Variants in TSHZ2 observed in about 807,000 individuals in gnomAD.
TSHZ2 encodes the protein teashirt homolog 2.
TSHZ2 carries 21 observed loss-of-function variants against 74.4 expected under a neutral mutation model. The observed-to-expected ratio is 0.28, with a 90% CI of 0.20 to 0.41. The LOEUF is 0.41. TSHZ2 is among the 10% of genes least tolerant of loss of function. TSHZ2 has a pLI of 1.00. For synonymous variants in TSHZ2, 540 were observed against 515.3 expected (o/e 1.05, Z -0.65); for missense variants, 1,244 against 1,293.5 (o/e 0.96, Z 0.59).
chr20:53,438,090 G>A (rs1197667979), intron 2 of TSHZ2, among the ~76,000 whole-genome samples: 1 of 150,298 alleles, frequency 6.7e-6, no homozygotes, highest in Admixed American at 6.6e-5. Flanking sequence ...GTACTTGGGT[G>A]TACTTTTCTT....
intron 1 of TSHZ2, among the ~76,000 whole-genome samples, chr20:53,089,341 T>TTAA (rs370108566): frequency 2.3e-5 from 3 of 129,742 alleles, no homozygotes; most frequent in African/African-American, 8.4e-5. Flanking sequence ...TTTTTTTTTT[T>TTAA]ATTAAACAGA....
At chr20:52,994,126 G>A (rs1307052468) in intron 1 of TSHZ2, among the ~76,000 whole-genome samples, 2 of 152,204 alleles carry the variant, frequency 1.3e-5, no homozygotes, top group African/African-American at 4.8e-5. Flanking sequence ...TCATTTAACA[G>A]ATATTTATTA....
At chr20:53,193,170 A>G (rs1435288156) in intron 1 of TSHZ2, among the ~76,000 whole-genome samples, 3 of 100,192 alleles carry the variant, frequency 3.0e-5, no homozygotes, top group Non-Finnish European at 6.2e-5. Flanking sequence ...ATACTTTCAA[A>G]AAAAAAAAAA....
chr20:53,333,005 C>G (rs1233259451), intron 2 of TSHZ2, among the ~76,000 whole-genome samples: 1 of 152,174 alleles, frequency 6.6e-6, no homozygotes, highest in Non-Finnish European at 1.5e-5. Flanking sequence ...TTCTCTCTCC[C>G]AGATCTTCCT....
At chr20:53,096,954 AAAC>A (rs906040493) in intron 1 of TSHZ2, among the ~76,000 whole-genome samples, 11 of 151,992 alleles carry the variant, frequency 7.2e-5, no homozygotes, top group East Asian at 1.9e-4. Context: ...AAACAAAAAA[AAAC>A]AACAAAAAAC....
intron 1 of TSHZ2, among the ~76,000 whole-genome samples, chr20:53,022,835 T>C (rs1482654969): frequency 6.6e-6 from 1 of 152,234 alleles, no homozygotes; most frequent in African/African-American, 2.4e-5. Context: ...AAAGGATTGA[T>C]TGAGATGATA....
intron 1 of TSHZ2, among the ~76,000 whole-genome samples, chr20:53,130,479 C>T (rs1043814250): frequency 1.4e-4 from 21 of 152,052 alleles, no homozygotes; most frequent in African/African-American, 3.9e-4. Context: ...ACAAAAAGTT[C>T]GCCAGGTGTG....
chr20:53,476,327 C>T (rs1021546010), intron 2 of TSHZ2, among the ~76,000 whole-genome samples: 30 of 144,620 alleles, frequency 2.1e-4, no homozygotes, highest in Non-Finnish European at 2.0e-4. Flanking sequence ...AAGTGGGCTT[C>T]ATCCCTGGGA....
At chr20:53,303,256 T>G (rs1302289653) in intron 2 of TSHZ2, among the ~76,000 whole-genome samples, 1 of 152,200 alleles carries the variant, frequency 6.6e-6, no homozygotes, top group African/African-American at 2.4e-5. Flanking sequence ...TGCGCCCTCT[T>G]TGCATTTTAA....
chr20:53,411,627 G>A (rs1299862571), intron 2 of TSHZ2, among the ~76,000 whole-genome samples: 1 of 152,132 alleles, frequency 6.6e-6, no homozygotes, highest in African/African-American at 2.4e-5. Flanking sequence ...CCAGGAGTTT[G>A]AGACCAACCT....
At chr20:53,014,811 C>G (rs1425575002) in intron 1 of TSHZ2, among the ~76,000 whole-genome samples, 1 of 152,164 alleles carries the variant, frequency 6.6e-6, no homozygotes, top group African/African-American at 2.4e-5. Flanking sequence ...CCAAATCCTG[C>G]TCCCCTCCAC....
At chr20:53,271,161 A>C (rs1043639133) in intron 2 of TSHZ2, among the ~76,000 whole-genome samples, 3 of 152,228 alleles carry the variant, frequency 2.0e-5, no homozygotes, top group Admixed American at 2.0e-4. Context: ...GATGCCTAGA[A>C]ATCCTGGGAA....
intron 2 of TSHZ2, among the ~76,000 whole-genome samples, chr20:53,429,076 G>A (rs1379713572): frequency 1.3e-5 from 2 of 152,144 alleles, no homozygotes; most frequent in East Asian, 1.9e-4. Flanking sequence ...GATAGGTTTT[G>A]TTTCTGAAGA....
Position 53,277,142 on chromosome 20 carries a change from A to G in TSHZ2, c.*8+20571A>G, listed in dbSNP as rs567882537. On this transcript the variant is annotated intron_variant, in intron 2 of 2. Transcript: ENST00000371497. ...AGTTGCTTGTACTGTATTAAGAGGA[A>G]TTTCTCACCTGATGCACATGACCGG... Among the ~76,000 whole-genome samples, 9 of 152,274 alleles carry G rather than the reference A, an allele frequency of 5.9e-5. No homozygotes were observed. The South Asian group carries it at 1.7e-3, about 28-fold the overall frequency.
chr20:53,145,824 G>A (rs550126507), intron 1 of TSHZ2, among the ~76,000 whole-genome samples: 5 of 152,290 alleles, frequency 3.3e-5, no homozygotes, highest in East Asian at 3.9e-4. Flanking sequence ...TAGGAAATAC[G>A]CACAAGGCAC....
intron 1 of TSHZ2, among the ~76,000 whole-genome samples, chr20:53,060,463 C>A (rs1444189714): frequency 6.6e-6 from 1 of 152,186 alleles, no homozygotes; most frequent in Non-Finnish European, 1.5e-5. Flanking sequence ...GTTGAGTCTT[C>A]CCAATTTCCC....
intron 2 of TSHZ2, among the ~76,000 whole-genome samples, chr20:53,473,016 A>G (rs1383504959): frequency 6.6e-6 from 1 of 151,502 alleles, no homozygotes; most frequent in East Asian, 1.9e-4. Flanking sequence ...ACGCCCACGG[A>G]GTCTCGCTGA....
chr20:53,376,843 C>A (rs1383537397), intron 2 of TSHZ2, among the ~76,000 whole-genome samples: 1 of 152,204 alleles, frequency 6.6e-6, no homozygotes, highest in Non-Finnish European at 1.5e-5. Flanking sequence ...CTCTCAGAGG[C>A]CCACAGAAGT....
chr20:53,417,603 C>T (rs754744424), intron 2 of TSHZ2, among the ~76,000 whole-genome samples: 1 of 152,108 alleles, frequency 6.6e-6, no homozygotes, highest in Non-Finnish European at 1.5e-5. Context: ...GGCTGTTCAC[C>T]AGCATCATTT....
Sources: gnomAD v4.1 joint callset for allele counts (sites outside exome capture counted in the v4.1 genomes callset) on GRCh38, gnomAD v4.1.1 for gene constraint, MANE v1.5 for transcripts, NCBI Gene and HGNC (gene_info 2026-07-23, HGNC 2026-07-21) for gene names.